Variants in GLRX observed in about 807,000 individuals in gnomAD.
GLRX encodes glutaredoxin.
Under a neutral mutation model 11.1 loss-of-function variants are expected in GLRX, and 9 were observed. The ratio of observed to expected loss-of-function variants is 0.81; its 90% CI spans 0.49 to 1.42. GLRX has a LOEUF of 1.42. Ranked by LOEUF, GLRX falls within the 40% of genes most tolerant of loss-of-function variation. The pLI is 0.00. For synonymous variants in GLRX, 49 were observed against 49.5 expected (o/e 0.99, Z 0.04); for missense variants, 102 against 126.2 (o/e 0.81, Z 0.92).
At chr5:95,814,857 GA>G (rs1250920244) in intron 2 of GLRX, 2 of 157,898 alleles carry the variant, frequency 1.3e-5, no homozygotes, top group East Asian at 1.9e-4. Flanking sequence ...GCCAAAAGAG[GA>G]AAAAAGCTGT....
In GLRX at chr5:95,816,559, C is replaced by A. The variant is rs1237143991; in HGVS notation, c.275G>T (p.Ser92Ile). Residue 92 changes from serine to isoleucine, a missense_variant, in exon 2 of 3, where the codon AGT becomes ATT. Coordinates refer to ENST00000237858, the MANE Select transcript of GLRX (RefSeq NM_001118890.2). ...CTTTAGCCGCGTCAGCAGTTCCCCACTCTGTTGCAAAGAGACTAGATCACT... is the reference window on the plus strand; with the variant it reads ...CTTTAGCCGCGTCAGCAGTTCCCCAATCTGTTGCAAAGAGACTAGATCACT... ...GCSDLVSLQQ[S>I]GELLTRLKQI... The A allele has an allele frequency of 6.2e-7, 1 of 1,611,190 alleles. No individual in the cohort carries two copies. The highest frequency in any genetic ancestry group is 2.2e-5 in the East Asian group (1 of 44,866).
intron 2 of GLRX, among the ~76,000 whole-genome samples, chr5:95,816,063 T>C (rs1746983332): frequency 6.6e-6 from 1 of 152,200 alleles, no homozygotes; most frequent in Admixed American, 6.5e-5. Context: ...CATCTCTGCA[T>C]AGCAGTCCCC....
Position 95,822,583 on chromosome 5 carries a change from C to A in GLRX, c.80G>T (p.Arg27Met). The change falls in exon 1 of 3, where the codon AGG becomes ATG. Residue 27 changes from arginine (R) to methionine (M), a missense_variant. Physicochemically the swap from Arg to Met is moderately conservative, Grantham distance 91. Transcript: ENST00000237858. ...VFIKPTCPYC[R>M]RAQEILSQLP... ...TTGACTGAGGATCTCTTGGGCCCTC[C>A]TGCAGTACGGGCAGGTGGGCTTGAT... 1 of 1,613,904 alleles carries A rather than the reference C, an allele frequency of 6.2e-7. No individual in the cohort carries two copies. Among genetic ancestry groups the A allele is most frequent in the East Asian group, 2.2e-5 (1 of 44,890 alleles).
Position 95,822,493 on chromosome 5 carries a change from ATC to A in GLRX, c.168_169del (p.Glu56AspfsTer21). On this transcript the variant is annotated frameshift_variant, in exon 1 of 3. Coordinates refer to ENST00000237858, the MANE Select transcript of GLRX (RefSeq NM_001118890.2). LOFTEE classifies it high-confidence loss of function. Reference sequence around the variant, plus strand: ...CGTGAGCTGTTGCAAATAATCTTGAATCTCGTTAGTGTGGTTGGTGGCTGTGA... The same window carrying A: ...CGTGAGCTGTTGCAAATAATCTTGAATCGTTAGTGTGGTTGGTGGCTGTGA... 6.2e-7 allele frequency: 1 copy of A among 1,613,934 alleles called. No homozygotes were observed. Among genetic ancestry groups the A allele is most frequent in the Non-Finnish European group, 8.5e-7 (1 of 1,179,842 alleles).
Position 95,822,577 on chromosome 5 carries a change from G to A in GLRX, c.86C>T (p.Ala29Val). The A allele has an allele frequency of 6.2e-7, 1 of 1,613,768 alleles. No homozygotes were observed. Among genetic ancestry groups the A allele is most frequent in the South Asian group, 1.1e-5 (1 of 91,072 alleles). Residue 29 changes from alanine (A) to valine (V), a missense_variant, in exon 1 of 3, where the codon GCC (alanine) becomes GTC (valine). By Grantham distance (64) the Ala-to-Val change is moderately conservative. Transcript: ENST00000237858. Reference sequence around the variant, plus strand: ...GGGCAATTGACTGAGGATCTCTTGGGCCCTCCTGCAGTACGGGCAGGTGGG... The same window carrying A: ...GGGCAATTGACTGAGGATCTCTTGGACCCTCCTGCAGTACGGGCAGGTGGG... ...IKPTCPYCRR[A>V]QEILSQLPIK...
chr5:95,816,845 A>G, intron 1 of GLRX: 1 of 408,630 alleles, frequency 2.4e-6, no homozygotes, highest in Admixed American at 4.0e-5. Context: ...GTTGTGTGCT[A>G]TGCATGAGCT....
chr5:95,822,353 G>T, intron 1 of GLRX, 103 bp downstream of exon 1: 1 of 611,160 alleles, frequency 1.6e-6, no homozygotes, highest in Non-Finnish European at 3.0e-6. Context: ...CCCTCTGGAC[G>T]CCTTGAAGTA....
At position 95,822,504 on chromosome 5, in the gene GLRX, G is replaced by A. The variant is rs1747281048; in HGVS notation, c.159C>T (p.His53=). ...LEFVDITATN[H]TNEIQDYLQQ... Reference sequence around the variant, plus strand: ...GCAAATAATCTTGAATCTCGTTAGTGTGGTTGGTGGCTGTGATATCGACAA... The same window carrying A: ...GCAAATAATCTTGAATCTCGTTAGTATGGTTGGTGGCTGTGATATCGACAA... The change falls in exon 1 of 3, where the codon CAC becomes CAT. Residue 53 remains histidine, a synonymous_variant. Transcript: ENST00000237858. 6.2e-7 allele frequency: 1 copy of A among 1,613,840 alleles called. No homozygotes were observed. The highest frequency in any genetic ancestry group is 8.5e-7 in the Non-Finnish European group (1 of 1,179,840).
At chr5:95,814,649 T>C (rs967464702) in intron 2 of GLRX, 1 of 152,228 alleles carries the variant, frequency 6.6e-6, no homozygotes, top group Non-Finnish European at 1.5e-5. Flanking sequence ...GGCTTAGAGG[T>C]AGAGACATGC....
rs1313523074 is a variant in GLRX at position 95,822,574 on chromosome 5, T to G, written c.89A>C (p.Gln30Pro). The G allele has an allele frequency of 6.2e-7, 1 of 1,613,868 alleles. No homozygotes were observed. The highest frequency in any genetic ancestry group is 2.2e-5 in the East Asian group (1 of 44,888). ...GATGGGCAATTGACTGAGGATCTCTTGGGCCCTCCTGCAGTACGGGCAGGT... is the reference window on the plus strand; with the variant it reads ...GATGGGCAATTGACTGAGGATCTCTGGGGCCCTCCTGCAGTACGGGCAGGT... Reference protein sequence around the residue: ...KPTCPYCRRAQEILSQLPIKQ... With the variant: ...KPTCPYCRRAPEILSQLPIKQ... The change falls in exon 1 of 3, where the codon CAA becomes CCA. Residue 30 changes from glutamine (Q) to proline (P), a missense_variant. Transcript: ENST00000237858.
chr5:95,814,685 G>T, intron 2 of GLRX: 1 of 152,330 alleles, frequency 6.6e-6, no homozygotes, highest in Non-Finnish European at 1.5e-5. Context: ...AGTAAGAAAC[G>T]CATGCCAAAG....
In GLRX at chr5:95,822,654, T is replaced by C. The variant is rs765308231; in HGVS notation, c.9A>G (p.Gln3=). 1 of 1,613,812 alleles carries C rather than the reference T, an allele frequency of 6.2e-7. No homozygotes were observed. Among genetic ancestry groups the C allele is most frequent in the Non-Finnish European group, 8.5e-7 (1 of 1,179,744 alleles). MA[Q]EFVNCKIQPG... ...GCTGGATTTTGCAGTTCACAAACTCTTGAGCCATGCCGATGGGCTGCGGTC... is the reference window on the plus strand; with the variant it reads ...GCTGGATTTTGCAGTTCACAAACTCCTGAGCCATGCCGATGGGCTGCGGTC... Residue 3 remains glutamine (Q), a synonymous_variant, in exon 1 of 3, where the codon CAA becomes CAG. Transcript: ENST00000237858.
rs765155802 is a variant in GLRX, at chr5:95,822,484, TA to T, written c.178del (p.Tyr60IlefsTer21). The T allele has an allele frequency of 3.7e-6, 6 of 1,613,956 alleles. No homozygotes were observed. Among genetic ancestry groups the T allele is most frequent in the Middle Eastern group, 3.3e-4 (2 of 6,056 alleles). On this transcript the variant is annotated frameshift_variant, in exon 1 of 3. Coordinates refer to ENST00000237858, the MANE Select transcript of GLRX (RefSeq NM_001118890.2). LOFTEE classifies it high-confidence loss of function. Reference sequence around the variant, plus strand: ...TCTTGCTCCCGTGAGCTGTTGCAAATAATCTTGAATCTCGTTAGTGTGGTTG... The same window carrying T: ...TCTTGCTCCCGTGAGCTGTTGCAAATATCTTGAATCTCGTTAGTGTGGTTG... ...ATNHTNEIQDYLQQLTGARTV... is the reference protein window; with the variant it reads ...ATNHTNEIQDXLQQLTGARTV...
intron 2 of GLRX, among the ~76,000 whole-genome samples, chr5:95,815,923 ATTC>A (rs1746978368): frequency 1.3e-5 from 2 of 152,096 alleles, no homozygotes; most frequent in Admixed American, 1.3e-4. Context: ...CTTTCTCGCT[ATTC>A]TTCCTTTTCA....
chr5:95,817,442 G>C (rs1012296487), intron 1 of GLRX: 1 of 152,280 alleles, frequency 6.6e-6, no homozygotes, highest in Non-Finnish European at 1.5e-5. Flanking sequence ...AGTGAGCTCT[G>C]TCCTCAACCA....
intron 1 of GLRX, chr5:95,818,242 T>TA (rs1329169587): frequency 6.6e-6 from 1 of 152,176 alleles, no homozygotes; most frequent in Non-Finnish European, 1.5e-5. Context: ...CCATAAATCG[T>TA]ATCAGTGAAT....
At chr5:95,822,076 T>C in intron 1 of GLRX, 1 of 246,744 alleles carries the variant, frequency 4.1e-6, no homozygotes, top group East Asian at 9.2e-5. Context: ...AACAAACACA[T>C]CACACCCGGC....
intron 2 of GLRX, among the ~76,000 whole-genome samples, chr5:95,815,727 C>A (rs1444920037): frequency 6.6e-6 from 1 of 152,214 alleles, no homozygotes; most frequent in Non-Finnish European, 1.5e-5. Context: ...TGGTTTTCCA[C>A]AGAGCCAAAG....
chr5:95,815,166 C>T (rs148262157), intron 2 of GLRX, among the ~76,000 whole-genome samples: 3 of 152,296 alleles, frequency 2.0e-5, no homozygotes, highest in African/African-American at 7.2e-5. Flanking sequence ...CTCTAATGCC[C>T]ACACCAAAAT....
Sources: gnomAD v4.1 joint callset for allele counts (sites outside exome capture counted in the v4.1 genomes callset) on GRCh38, gnomAD v4.1.1 for gene constraint, MANE v1.5 for transcripts, NCBI Gene and HGNC (gene_info 2026-07-23, HGNC 2026-07-21) for gene names.